Variants in PTPRD observed in about 807,000 individuals in gnomAD.
PTPRD encodes receptor-type tyrosine-protein phosphatase delta.
In PTPRD, 34 loss-of-function variants were observed where a neutral mutation model predicts 214.5. The ratio of observed to expected loss-of-function variants is 0.16; its 90% CI spans 0.12 to 0.21. The LOEUF (loss-of-function observed/expected upper bound fraction) is 0.21, where lower values mean the gene tolerates loss of function less well. PTPRD is among the 10% of genes least tolerant of loss of function. The pLI, the probability that PTPRD is intolerant of heterozygous loss-of-function variation, is 1.00. For synonymous variants in PTPRD, 1,128 were observed against 845.7 expected (o/e 1.33, Z -5.79); for missense variants, 2,545 against 2,398.7 (o/e 1.06, Z -1.27).
At chr9:9,531,213 T>A (rs1359695) in intron 8 of PTPRD, among the ~76,000 whole-genome samples, 27,315 of 152,032 alleles carry the variant, frequency 0.18, 2,699 homozygotes, top group Middle Eastern at 0.22. Context: ...ATATCCATTC[T>A]GTAGAATGCT....
intron 11 of PTPRD, among the ~76,000 whole-genome samples, chr9:8,772,936 G>C (rs1021699983): frequency 4.6e-5 from 7 of 152,132 alleles, no homozygotes; most frequent in Non-Finnish European, 1.0e-4. Context: ...TTGTTTTTAA[G>C]ATTCTTTAGT....
At chr9:8,700,132 T>G (rs1031663891) in intron 12 of PTPRD, among the ~76,000 whole-genome samples, 4 of 152,214 alleles carry the variant, frequency 2.6e-5, no homozygotes, top group African/African-American at 9.6e-5. Context: ...TTTTCCAAAT[T>G]TCACTCCCTT....
At chr9:10,259,939 C>T (rs983684917) in intron 3 of PTPRD, among the ~76,000 whole-genome samples, 15 of 152,242 alleles carry the variant, frequency 9.9e-5, no homozygotes, top group African/African-American at 3.4e-4. Context: ...GCATCAGGCC[C>T]GTTTCAACCA....
intron 8 of PTPRD, among the ~76,000 whole-genome samples, chr9:9,512,727 A>G (rs1467728390): frequency 1.3e-5 from 2 of 151,728 alleles, no homozygotes. Flanking sequence ...ATACACAACT[A>G]TCAACATATC....
chr9:10,215,860 C>A (rs2154345219), intron 3 of PTPRD, among the ~76,000 whole-genome samples: 1 of 151,856 alleles, frequency 6.6e-6, no homozygotes, highest in East Asian at 1.9e-4. Flanking sequence ...TAAATAAAAA[C>A]ATATATTATG....
chr9:10,006,798 T>C, intron 4 of PTPRD, among the ~76,000 whole-genome samples: 1 of 151,948 alleles, frequency 6.6e-6, no homozygotes, highest in Non-Finnish European at 1.5e-5. Flanking sequence ...ACAATCTAGA[T>C]ATATTCTATT....
rs75098271 is a variant in PTPRD, at chr9:10,374,674, G to T, written c.-599-33657C>A. Among the ~76,000 whole-genome samples, 111 of 152,178 alleles carry T rather than the reference G, an allele frequency of 7.3e-4. 2 individuals are homozygous for T. The East Asian group carries it at 0.02, about 27-fold the overall frequency. On this transcript the variant is annotated intron_variant, in intron 2 of 45. Transcript: ENST00000381196. ...GGGAGGTGGTAATATGAAGCGTGAT[G>T]CAGTTTTCCACACATTTGCTAGCTC...
intron 11 of PTPRD, among the ~76,000 whole-genome samples, chr9:8,863,329 G>C (rs1378119294): frequency 6.6e-6 from 1 of 152,148 alleles, no homozygotes; most frequent in East Asian, 1.9e-4. Flanking sequence ...AGTAGACTGG[G>C]GCATTCCATT....
intron 7 of PTPRD, among the ~76,000 whole-genome samples, chr9:9,630,770 C>T (rs1192620718): frequency 1.3e-5 from 2 of 152,010 alleles, no homozygotes; most frequent in Admixed American, 1.3e-4. Flanking sequence ...CATTTATTTA[C>T]ATAAATGTCT....
intron 14 of PTPRD, among the ~76,000 whole-genome samples, chr9:8,608,011 A>G (rs2095300907): frequency 6.6e-6 from 1 of 152,220 alleles, no homozygotes; most frequent in Non-Finnish European, 1.5e-5. Context: ...CTGTGATTAC[A>G]GGATGTCAGC....
intron 8 of PTPRD, among the ~76,000 whole-genome samples, chr9:9,534,649 A>C (rs2076160616): frequency 6.6e-6 from 1 of 152,098 alleles, no homozygotes; most frequent in Admixed American, 6.6e-5. Flanking sequence ...AACGCTTTTT[A>C]AAGTTCACTG....
chr9:8,544,099 T>G (rs966389333), intron 14 of PTPRD, among the ~76,000 whole-genome samples: 3 of 152,084 alleles, frequency 2.0e-5, no homozygotes, highest in South Asian at 2.1e-4. Flanking sequence ...AGACTTCCAT[T>G]TGCTGGGAAC....
chr9:8,947,871 A>G lies in PTPRD; in HGVS notation c.-104+70826T>C, dbSNP rs1156665825. ...AAATGTGCCAGACACTATTTTAAGTATTCTCCTTTTATTGGCTCATCTAAT... is the reference window on the plus strand; with the variant it reads ...AAATGTGCCAGACACTATTTTAAGTGTTCTCCTTTTATTGGCTCATCTAAT... On this transcript the variant is annotated intron_variant, in intron 11 of 45. Coordinates refer to ENST00000381196, the MANE Select transcript of PTPRD (RefSeq NM_002839.4). Among the ~76,000 whole-genome samples, 4 of 152,106 alleles carry G rather than the reference A, an allele frequency of 2.6e-5. No homozygotes were observed. In the East Asian group the frequency reaches 7.7e-4, roughly 29 times the overall value.
chr9:9,716,756 T>C (rs1363415068), intron 7 of PTPRD, among the ~76,000 whole-genome samples: 3 of 152,162 alleles, frequency 2.0e-5, no homozygotes, highest in Non-Finnish European at 4.4e-5. Flanking sequence ...ATTAGCCCTT[T>C]GTCAGATGAG....
chr9:9,293,610 G>T (rs979276635), intron 9 of PTPRD, among the ~76,000 whole-genome samples: 1 of 151,446 alleles, frequency 6.6e-6, no homozygotes, highest in Admixed American at 6.6e-5. Flanking sequence ...AGTTGACAGA[G>T]AAAAGAAATA....
intron 11 of PTPRD, among the ~76,000 whole-genome samples, chr9:8,748,522 C>CAAAAAAAAAAAAAAAAAAAAAAA (rs1239091825): frequency 4.2e-4 from 16 of 37,712 alleles, no homozygotes; most frequent in Admixed American, 1.3e-3. Flanking sequence ...CCTGCAACTG[C>CAAAAAAAAAAAAAAAAAAAAAAA]AAAAAAAAAA....
chr9:8,437,207 G>A, intron 34 of PTPRD: 1 of 1,523,110 alleles, frequency 6.6e-7, no homozygotes, highest in Non-Finnish European at 8.8e-7. Flanking sequence ...CTTGAAGAAT[G>A]AAGGTTACCA....
intron 5 of PTPRD, among the ~76,000 whole-genome samples, chr9:9,833,123 T>C (rs1339712645): frequency 3.3e-5 from 5 of 151,942 alleles, no homozygotes; most frequent in African/African-American, 1.2e-4. Flanking sequence ...GCAATACAGA[T>C]ATATTTCTAA....
At chr9:8,349,812 T>C (rs545578554) in intron 39 of PTPRD, among the ~76,000 whole-genome samples, 86 of 152,296 alleles carry the variant, frequency 5.6e-4, no homozygotes, top group African/African-American at 2.0e-3. Context: ...CTGTTATCCC[T>C]AAAGTAAAAT....
Sources: gnomAD v4.1 joint callset for allele counts (sites outside exome capture counted in the v4.1 genomes callset) on GRCh38, gnomAD v4.1.1 for gene constraint, MANE v1.5 for transcripts, NCBI Gene and HGNC (gene_info 2026-07-23, HGNC 2026-07-21) for gene names.